The following LVRN variants were observed in gnomAD, a reference collection of about 807,000 sequenced individuals.
The protein encoded by LVRN is aminopeptidase Q.
LVRN carries 99 observed loss-of-function variants against 111.4 expected under a neutral mutation model. That is an observed-to-expected ratio of 0.89 (90% confidence interval 0.76 to 1.05). The LOEUF (loss-of-function observed/expected upper bound fraction) is 1.05, where lower values mean the gene tolerates loss of function less well. Among genes scored for constraint, LVRN ranks in the 50% least tolerant of loss-of-function variants. The probability of loss-of-function intolerance (pLI) is 0.00; values close to 1 mark genes in which losing one functional copy is unlikely to be tolerated. For synonymous variants in LVRN, 488 were observed against 449.5 expected (o/e 1.09, Z -1.08); for missense variants, 1,414 against 1,206.8 (o/e 1.17, Z -2.54).
chr5:115,983,227 T>G, intron 1 of LVRN, 60 bp from the exon 2 acceptor site: 1 of 1,463,502 alleles, frequency 6.8e-7, no homozygotes, highest in Non-Finnish European at 9.0e-7. Flanking sequence ...CTCTCAATGT[T>G]TTTTTATTCC....
intron 10 of LVRN, among the ~76,000 whole-genome samples, chr5:116,002,183 A>G (rs1200429591): frequency 2.0e-5 from 3 of 152,232 alleles, no homozygotes; most frequent in Non-Finnish European, 4.4e-5. Flanking sequence ...AGATAAACAC[A>G]GACCCACAGT....
At chr5:115,997,064 G>A (rs1333092762) in intron 6 of LVRN, among the ~76,000 whole-genome samples, 1 of 152,158 alleles carries the variant, frequency 6.6e-6, no homozygotes, top group African/African-American at 2.4e-5. Flanking sequence ...ATAATGATAA[G>A]TAATCACCGC....
At chr5:115,998,223 C>A (rs1415133680) in intron 6 of LVRN, among the ~76,000 whole-genome samples, 1 of 146,560 alleles carries the variant, frequency 6.8e-6, no homozygotes, top group Admixed American at 6.9e-5. Context: ...AAAGTTTTAT[C>A]TGCTGTACTT....
intron 18 of LVRN, 159 bp from the exon 19 acceptor site, chr5:116,022,232 T>G: frequency 1.8e-6 from 1 of 569,622 alleles, no homozygotes; most frequent in South Asian, 2.2e-5. Flanking sequence ...GGATTCTCTA[T>G]TAAAAGATGA....
chr5:116,003,871 G>A (rs1337538083), intron 12 of LVRN, among the ~76,000 whole-genome samples: 3 of 152,052 alleles, frequency 2.0e-5, no homozygotes, highest in Non-Finnish European at 4.4e-5. Flanking sequence ...GTGAGCCACC[G>A]CGCCGGCCAA....
Position 115,993,713 on chromosome 5 carries a change from G to A in LVRN, c.1261-28G>A, listed in dbSNP as rs371832728. 19 of 1,403,360 alleles carry A rather than the reference G, an allele frequency of 1.4e-5. No individual in the cohort carries two copies. The Admixed American group carries it at 1.9e-4, about 14-fold the overall frequency. 86.9% of individuals were successfully genotyped at this position (1,403,360 alleles called of 1,614,324 possible). ...TAACTTAAAAATTAAATTTAAGAAAGCTCTTTTTTTCTTCTCATTTCCAAA... is the reference window on the plus strand; with the variant it reads ...TAACTTAAAAATTAAATTTAAGAAAACTCTTTTTTTCTTCTCATTTCCAAA... On this transcript the variant is annotated intron_variant, in intron 5 of 19. Transcript: ENST00000357872.
chr5:115,994,664 A>G (rs1748067573), intron 6 of LVRN, among the ~76,000 whole-genome samples: 2 of 152,102 alleles, frequency 1.3e-5, no homozygotes, highest in African/African-American at 4.8e-5. Flanking sequence ...TATTGCTGAT[A>G]TTGTTTTGCT....
At chr5:116,021,774 A>T (rs1466857354) in intron 18 of LVRN, 1 of 436,192 alleles carries the variant, frequency 2.3e-6, no homozygotes, top group South Asian at 1.7e-5. Context: ...CTGTTTTTTC[A>T]TAGCAATACT....
intron 12 of LVRN, among the ~76,000 whole-genome samples, chr5:116,005,263 T>C (rs1399227121): frequency 6.6e-6 from 1 of 152,184 alleles, no homozygotes; most frequent in Non-Finnish European, 1.5e-5. Context: ...CATATCACAG[T>C]GCTGAGAGGT....
chr5:116,003,129 TTTAA>T (rs1256665245), intron 11 of LVRN, 108 bp from the exon 12 acceptor site: 14 of 1,083,248 alleles, frequency 1.3e-5, no homozygotes, highest in Middle Eastern at 2.9e-4. Flanking sequence ...TTAGAATTCC[TTTAA>T]TTTTTTGTTT....
At chr5:115,980,785 A>G (rs1038034128) in intron 1 of LVRN, among the ~76,000 whole-genome samples, 5 of 152,122 alleles carry the variant, frequency 3.3e-5, no homozygotes, top group Non-Finnish European at 7.4e-5. Flanking sequence ...GTATTTTTTA[A>G]TATGCCACCA....
Position 116,014,430 on chromosome 5 carries a change from G to A in LVRN, c.2353G>A (p.Glu785Lys), listed in dbSNP as rs1434799372. ...QDDYLALISL[E>K]KLFVTACWLG... is the part of the protein sequence containing the mutation. Reference sequence around the variant, plus strand: ...GACTTTTTCTTCAAGAATATCACTGGAAAAACTTTTTGTAACTGCGTGTTG... The same window carrying A: ...GACTTTTTCTTCAAGAATATCACTGAAAAAACTTTTTGTAACTGCGTGTTG... Residue 785 changes from glutamate to lysine, a missense_variant, in exon 16 of 20, where the codon GAA becomes AAA. Coordinates refer to ENST00000357872, the MANE Select transcript of LVRN (RefSeq NM_173800.5). 1 of 1,610,770 alleles carries A rather than the reference G, an allele frequency of 6.2e-7. No individual in the cohort carries two copies. Among genetic ancestry groups the A allele is most frequent in the South Asian group, 1.1e-5 (1 of 90,480 alleles).
intron 10 of LVRN, among the ~76,000 whole-genome samples, chr5:116,002,630 G>A (rs531748745): frequency 1.3e-5 from 2 of 152,282 alleles, no homozygotes; most frequent in African/African-American, 4.8e-5. Flanking sequence ...AGACACAACA[G>A]GAGAGAGGAG....
At chr5:115,996,994 T>G (rs567633229) in intron 6 of LVRN, among the ~76,000 whole-genome samples, 34 of 152,188 alleles carry the variant, frequency 2.2e-4, no homozygotes, top group Non-Finnish European at 4.6e-4. Flanking sequence ...TGTACTTAAA[T>G]AGAATTATTT....
At chr5:116,008,406 G>A (rs897346398) in intron 13 of LVRN, among the ~76,000 whole-genome samples, 1 of 152,026 alleles carries the variant, frequency 6.6e-6, no homozygotes, top group Non-Finnish European at 1.5e-5. Context: ...TGGCCTTTAG[G>A]GGTTCAAGTG....
chr5:115,970,470 C>T (rs538891453), intron 1 of LVRN, among the ~76,000 whole-genome samples: 58 of 151,684 alleles, frequency 3.8e-4, no homozygotes, highest in African/African-American at 1.3e-3. Context: ...GCAACCTCCA[C>T]CTCATGGGTT....
chr5:115,964,426 G>A (rs935387443), intron 1 of LVRN, among the ~76,000 whole-genome samples: 1 of 152,050 alleles, frequency 6.6e-6, no homozygotes, highest in Non-Finnish European at 1.5e-5. Context: ...TAAGGGCAGC[G>A]TGCTTGGTTT....
At chr5:115,967,696 C>A (rs4244397) in intron 1 of LVRN, among the ~76,000 whole-genome samples, 122,036 of 152,110 alleles carry the variant, frequency 0.8, 49,168 homozygotes, top group African/African-American at 0.85. Context: ...GGGAGAATTG[C>A]TAGCTTTGCT....
At chr5:115,985,123 G>A (rs1747827645) in intron 3 of LVRN, among the ~76,000 whole-genome samples, 1 of 152,156 alleles carries the variant, frequency 6.6e-6, no homozygotes, top group African/African-American at 2.4e-5. Flanking sequence ...AACCAGCATG[G>A]CCAGGCATCA....
Sources: gnomAD v4.1 joint callset for allele counts (sites outside exome capture counted in the v4.1 genomes callset) on GRCh38, gnomAD v4.1.1 for gene constraint, MANE v1.5 for transcripts, NCBI Gene and HGNC (gene_info 2026-07-23, HGNC 2026-07-21) for gene names.